AOAH: variants seen among roughly 807,000 people sequenced by gnomAD.
AOAH encodes acyloxyacyl hydrolase.
In AOAH, 64 loss-of-function variants were observed where a neutral mutation model predicts 92.2. The ratio of observed to expected loss-of-function variants is 0.69; its 90% CI spans 0.57 to 0.86. The LOEUF is 0.86. Among genes scored for constraint, AOAH ranks in the 40% least tolerant of loss-of-function variants. The pLI, the probability that AOAH is intolerant of heterozygous loss-of-function variation, is 0.00. For missense variants in AOAH, 656 were observed against 694.6 expected, an observed-to-expected ratio of 0.94 and a Z score of 0.62; for synonymous variants, 263 against 254.5, an observed-to-expected ratio of 1.03 and a Z score of -0.32.
rs752785484 is a variant in AOAH, at chr7:36,540,495, TTGG to T, written c.1134-7_1134-5del. The T allele has an allele frequency of 3.1e-6, 5 of 1,601,318 alleles. No individual in the cohort carries two copies. In the Admixed American group the frequency reaches 8.7e-5, roughly 28 times the overall value. On this transcript the variant is annotated splice_region_variant and splice_polypyrimidine_tract_variant and intron_variant, in intron 15 of 20. Coordinates refer to ENST00000617537, the MANE Select transcript of AOAH (RefSeq NM_001637.4). ...GGCTGGGACTGGGTCACTCTTCCTG[TTGG>T]TGGAATAAACAGAAAATATCTTGGT...
chr7:36,695,154 A>G (rs1797635507), intron 1 of AOAH, among the ~76,000 whole-genome samples: 1 of 152,246 alleles, frequency 6.6e-6, no homozygotes, highest in Admixed American at 6.5e-5. Flanking sequence ...CCACAAATGT[A>G]TACCTAGACA....
Position 36,516,214 on chromosome 7 carries a change from T to G in AOAH, c.1600-2834A>C, listed in dbSNP as rs975351046. On this transcript the variant is annotated intron_variant, in intron 20 of 20. Coordinates refer to ENST00000617537, the MANE Select transcript of AOAH (RefSeq NM_001637.4). This position sits in a 1 kb window ranked among gnomAD's most constrained non-coding sequence, Gnocchi z 5.0. Reference sequence around the variant, plus strand: ...CATCTCTCTTATATACACACACACATCCTACACACACCCCACACACACCTC... The same window carrying G: ...CATCTCTCTTATATACACACACACAGCCTACACACACCCCACACACACCTC... Among the ~76,000 whole-genome samples, 1 of 136,022 alleles carries G rather than the reference T, an allele frequency of 7.4e-6. No individual in the cohort carries two copies. The highest frequency in any genetic ancestry group is 1.6e-5 in the Non-Finnish European group (1 of 63,398). 89.2% of individuals were successfully genotyped at this position (136,022 alleles called of 152,430 possible). A position where few individuals can be genotyped will look rare whatever the true frequency, so the allele number is the denominator to read the frequency against.
intron 1 of AOAH, among the ~76,000 whole-genome samples, chr7:36,707,245 G>A (rs1008020813): frequency 2.0e-5 from 3 of 152,018 alleles, no homozygotes; most frequent in African/African-American, 7.2e-5. Flanking sequence ...AGGGAATAGG[G>A]AGGGCAATGG....
At chr7:36,629,368 C>A (rs570099849) in intron 6 of AOAH, among the ~76,000 whole-genome samples, 1 of 152,282 alleles carries the variant, frequency 6.6e-6, no homozygotes, top group South Asian at 2.1e-4. Context: ...TTGTGTCCTG[C>A]TGGCCCACAT....
At chr7:36,521,014 T>G (rs965766235) in intron 20 of AOAH, among the ~76,000 whole-genome samples, 10 of 152,194 alleles carry the variant, frequency 6.6e-5, no homozygotes, top group African/African-American at 2.4e-4. Flanking sequence ...TTCTTGTTCC[T>G]TTTGAGGTGA....
chr7:36,620,943 G>A lies in AOAH; in HGVS notation c.654-114C>T, dbSNP rs1792235386. ...TGAATGCTACACGAAGTGCCATGGA[G>A]AGACAACAGCATTCTTCATGGAATA... On this transcript the variant is annotated intron_variant, in intron 8 of 20. Coordinates refer to ENST00000617537, the MANE Select transcript of AOAH (RefSeq NM_001637.4). 14 of 945,832 alleles carry A rather than the reference G, an allele frequency of 1.5e-5. No homozygotes were observed. The South Asian group carries it at 2.0e-4, about 14-fold the overall frequency. 58.6% of individuals were successfully genotyped at this position (945,832 alleles called of 1,614,324 possible). A position where few individuals can be genotyped will look rare whatever the true frequency, so the allele number is the denominator to read the frequency against.
intron 15 of AOAH, among the ~76,000 whole-genome samples, chr7:36,545,269 C>T (rs73687546): frequency 0.074 from 11,219 of 152,168 alleles, 499 homozygotes; most frequent in Non-Finnish European, 0.083. Flanking sequence ...TTAAACATCC[C>T]TTAAAAGTGG....
At chr7:36,658,750 G>A (rs546881009) in intron 4 of AOAH, among the ~76,000 whole-genome samples, 5 of 152,308 alleles carry the variant, frequency 3.3e-5, no homozygotes, top group African/African-American at 4.8e-5. Flanking sequence ...AAGGCTCAGC[G>A]TAGGGTGACC....
At chr7:36,544,683 A>C (rs1298431046) in intron 15 of AOAH, among the ~76,000 whole-genome samples, 2 of 152,224 alleles carry the variant, frequency 1.3e-5, no homozygotes, top group Non-Finnish European at 2.9e-5. Flanking sequence ...CGGGCTGGGA[A>C]CAGATGAAGA....
At chr7:36,515,661 CCA>C in intron 20 of AOAH, among the ~76,000 whole-genome samples, 1 of 134,906 alleles carries the variant, frequency 7.4e-6, no homozygotes, top group Non-Finnish European at 1.6e-5. Flanking sequence ...CACACACACA[CCA>C]CACCCCTCAC....
chr7:36,515,380 A>C (rs1583700156), intron 20 of AOAH, among the ~76,000 whole-genome samples: 3 of 83,924 alleles, frequency 3.6e-5, no homozygotes, highest in African/African-American at 4.8e-5. Context: ...CACACACCAC[A>C]CCCCTCACAA....
chr7:36,554,705 T>A (rs1407883532), intron 13 of AOAH, among the ~76,000 whole-genome samples: 1 of 151,220 alleles, frequency 6.6e-6, no homozygotes, highest in African/African-American at 2.4e-5. Context: ...TTCACGTCCC[T>A]TGTAAGTTGG....
intron 12 of AOAH, among the ~76,000 whole-genome samples, chr7:36,590,468 T>C (rs1211102215): frequency 6.6e-6 from 1 of 152,196 alleles, no homozygotes; most frequent in Admixed American, 6.5e-5. Context: ...AACTAAAGGT[T>C]TGTAAAACTA....
intron 12 of AOAH, among the ~76,000 whole-genome samples, chr7:36,584,376 CA>C: frequency 6.6e-6 from 1 of 152,308 alleles, no homozygotes; most frequent in Middle Eastern, 3.4e-3. Flanking sequence ...CAGTTGGTTA[CA>C]ACGATTCTAC....
intron 20 of AOAH, among the ~76,000 whole-genome samples, chr7:36,519,467 G>T (rs1488769475): frequency 6.6e-6 from 1 of 152,178 alleles, no homozygotes; most frequent in Non-Finnish European, 1.5e-5. Flanking sequence ...TTTCGCTCTT[G>T]TTGCCCAGGC....
At position 36,610,752 on chromosome 7, in the gene AOAH, G is replaced by C. The variant is rs566067866; in HGVS notation, c.846+5628C>G. The stretch of plus-strand genomic sequence containing the variant: ...TGCCTCCTTCCCCAATATCTTGATT[G>C]TGGTCACATGACTGGCTTTGGCTGT... On this transcript the variant is annotated intron_variant, in intron 11 of 20. Coordinates refer to ENST00000617537, the MANE Select transcript of AOAH (RefSeq NM_001637.4). 2.0e-5 allele frequency among the ~76,000 whole-genome samples: 3 copies of C among 152,190 alleles called. No homozygotes were observed. The East Asian group carries it at 5.8e-4, about 29-fold the overall frequency.
intron 8 of AOAH, 41 bp from the exon 9 acceptor site, chr7:36,620,870 G>A (rs1485037153): frequency 8.3e-6 from 13 of 1,574,164 alleles, no homozygotes; most frequent in Non-Finnish European, 1.0e-5. Flanking sequence ...ACATATGCTT[G>A]TCTCTCAGTG....
chr7:36,581,270 A>G (rs186695684), intron 12 of AOAH, among the ~76,000 whole-genome samples: 7 of 152,270 alleles, frequency 4.6e-5, no homozygotes, highest in Middle Eastern at 3.4e-3. Flanking sequence ...TGAATCTACT[A>G]AGTCAGTTAC....
intron 1 of AOAH, among the ~76,000 whole-genome samples, chr7:36,723,033 C>A (rs1799745707): frequency 6.8e-6 from 1 of 147,558 alleles, no homozygotes; most frequent in South Asian, 2.2e-4. Context: ...GGAAGTAGGA[C>A]AAATTCAGAT....
Sources: gnomAD v4.1 joint callset for allele counts (sites outside exome capture counted in the v4.1 genomes callset) on GRCh38, gnomAD v4.1.1 for gene constraint, Gnocchi (gnomAD v3.1) non-coding constraint, MANE v1.5 for transcripts, NCBI Gene and HGNC (gene_info 2026-07-23, HGNC 2026-07-21) for gene names.